ABCA13: variants seen among roughly 807,000 people sequenced by gnomAD.
ABCA13 encodes ATP binding cassette subfamily A member 13.
Under a neutral mutation model 478.7 loss-of-function variants are expected in ABCA13, and 476 were observed. That is an observed-to-expected ratio of 0.99 (90% CI 0.92 to 1.07). The LOEUF is 1.07. Among genes scored for constraint, ABCA13 ranks in the 50% least tolerant of loss-of-function variants. The pLI is 0.00. For synonymous variants in ABCA13, 2,252 were observed against 2,158.9 expected, an observed-to-expected ratio of 1.04 and a Z score of -1.20; for missense variants, 6,060 against 5,910.6, an observed-to-expected ratio of 1.03 and a Z score of -0.83.
intron 42 of ABCA13, among the ~76,000 whole-genome samples, chr7:48,434,320 A>T (rs1216403019): frequency 2.6e-5 from 4 of 151,982 alleles, no homozygotes; most frequent in African/African-American, 9.7e-5. Flanking sequence ...TCTTTGGAGA[A>T]TCCTCTAGTA....
In ABCA13 at chr7:48,455,266, G is replaced by C; in HGVS notation, c.12795G>C (p.Arg4265=). The change falls in exon 43 of 62, where the codon CGG becomes CGC. Residue 4265 remains arginine (R), a synonymous_variant. Transcript: ENST00000435803. ...PLRLTPGHYQ[R]AETYFFSSGG... ...GACTCACACCTGGACATTACCAGCG[G>C]GCCGAGACCTACTTTTTCAGGTAAG... The C allele has an allele frequency of 1.2e-6, 2 of 1,604,998 alleles. No individual in the cohort carries two copies. Among genetic ancestry groups the C allele is most frequent in the Non-Finnish European group, 1.7e-6 (2 of 1,175,796 alleles).
chr7:48,307,045 C>T (rs557824934), intron 23 of ABCA13, among the ~76,000 whole-genome samples: 19 of 152,372 alleles, frequency 1.2e-4, no homozygotes, highest in African/African-American at 4.3e-4. Context: ...GTCCCAAATC[C>T]GCTGGCCCAC....
At chr7:48,221,469 C>T (rs962568518) in intron 5 of ABCA13, among the ~76,000 whole-genome samples, 160 bp downstream of exon 5, 11 of 152,150 alleles carry the variant, frequency 7.2e-5, no homozygotes, top group South Asian at 2.1e-4. Context: ...TTTGTAGATA[C>T]GGGCTAAAAG....
intron 43 of ABCA13, among the ~76,000 whole-genome samples, chr7:48,459,767 T>C (rs1447911229): frequency 6.6e-6 from 1 of 152,200 alleles, no homozygotes; most frequent in African/African-American, 2.4e-5. Context: ...AAATGAAATG[T>C]ATCAAAAATG....
At chr7:48,616,273 G>A (rs1380094086) in intron 59 of ABCA13, among the ~76,000 whole-genome samples, 2 of 152,134 alleles carry the variant, frequency 1.3e-5, no homozygotes, top group Admixed American at 6.5e-5. Flanking sequence ...CATTTTTAGA[G>A]TTAGGCACTG....
Position 48,615,014 on chromosome 7 carries a change from A to G in ABCA13, c.14745-271A>G, listed in dbSNP as rs1280139012. Reference sequence around the variant, plus strand: ...ACAAACCTGCACATTGTGCACATGTACCCTAAAACTTAAAGTATAATAATA... The same window carrying G: ...ACAAACCTGCACATTGTGCACATGTGCCCTAAAACTTAAAGTATAATAATA... On this transcript the variant is annotated intron_variant, in intron 58 of 61. Coordinates refer to ENST00000435803, the MANE Select transcript of ABCA13 (RefSeq NM_152701.5). Among the ~76,000 whole-genome samples the G allele has an allele frequency of 2.0e-5, 3 of 150,642 alleles. 1 individual carries two copies. The highest frequency in any genetic ancestry group is 7.3e-5 in the African/African-American group (3 of 41,252).
chr7:48,188,737 C>T (rs1318023061), intron 1 of ABCA13, among the ~76,000 whole-genome samples: 2 of 151,940 alleles, frequency 1.3e-5, no homozygotes, highest in African/African-American at 4.8e-5. Flanking sequence ...TTTTTGTGTA[C>T]ATGTTCATCT....
chr7:48,533,439 T>C (rs1218304632), intron 55 of ABCA13, among the ~76,000 whole-genome samples: 1 of 152,148 alleles, frequency 6.6e-6, no homozygotes, highest in Non-Finnish European at 1.5e-5. Context: ...TTGGAGAATG[T>C]TCCATGTGCT....
At chr7:48,610,702 C>T (rs1325929552) in intron 58 of ABCA13, among the ~76,000 whole-genome samples, 1 of 152,238 alleles carries the variant, frequency 6.6e-6, no homozygotes, top group Admixed American at 6.5e-5. Context: ...TAAGCCTCAA[C>T]TCTTGCCCTC....
chr7:48,220,810 G>A (rs532207518), intron 4 of ABCA13, among the ~76,000 whole-genome samples: 4 of 152,188 alleles, frequency 2.6e-5, no homozygotes, highest in African/African-American at 4.8e-5. Context: ...TTTTTGAGAT[G>A]AAGTTCCCAC....
chr7:48,174,420 A>G (rs1275485331), intron 1 of ABCA13, among the ~76,000 whole-genome samples: 5 of 152,142 alleles, frequency 3.3e-5, no homozygotes, highest in African/African-American at 9.7e-5. Context: ...TTACTTTTAA[A>G]AAATCTTTCA....
chr7:48,245,447 G>A, intron 11 of ABCA13, 65 bp from the exon 12 acceptor site: 1 of 1,227,952 alleles, frequency 8.1e-7, no homozygotes, highest in South Asian at 1.5e-5. Flanking sequence ...ATTGATTCAT[G>A]GCCATGTATA....
chr7:48,448,655 A>G (rs1009425198), intron 42 of ABCA13, among the ~76,000 whole-genome samples: 2 of 152,156 alleles, frequency 1.3e-5, no homozygotes, highest in African/African-American at 4.8e-5. Context: ...GTGTTTTTTT[A>G]AGAAAAATTA....
chr7:48,642,323 C>T (rs576811741), intron 59 of ABCA13, among the ~76,000 whole-genome samples: 4 of 152,184 alleles, frequency 2.6e-5, no homozygotes, highest in East Asian at 1.9e-4. Context: ...TGTTAGGGAT[C>T]AGCCTCATTT....
chr7:48,516,933 A>T, intron 52 of ABCA13, 52 bp downstream of exon 52: 2 of 1,565,044 alleles, frequency 1.3e-6, no homozygotes, highest in Non-Finnish European at 1.7e-6. Context: ...TAGTGCAAAG[A>T]CGGTGTTAAC....
intron 15 of ABCA13, among the ~76,000 whole-genome samples, chr7:48,254,292 C>G (rs1422806713): frequency 1.3e-5 from 2 of 151,884 alleles, no homozygotes; most frequent in Non-Finnish European, 2.9e-5. Context: ...GAGGTAGAGT[C>G]TCACTCTATT....
rs1245225258 is a variant in ABCA13 at position 48,402,105 on chromosome 7, G to A, written c.11874-1578G>A. Among the ~76,000 whole-genome samples, 5 of 152,196 alleles carry A rather than the reference G, an allele frequency of 3.3e-5. No homozygotes were observed. In the East Asian group the frequency reaches 5.8e-4, roughly 18 times the overall value. On this transcript the variant is annotated intron_variant, in intron 38 of 61. Coordinates refer to ENST00000435803, the MANE Select transcript of ABCA13 (RefSeq NM_152701.5). ...TCAATGCCAGGTGTATGAAGAGGAG[G>A]TAGGCTTCCAGCTTGCTTAGGGTGC...
intron 44 of ABCA13, among the ~76,000 whole-genome samples, 178 bp from the exon 45 acceptor site, chr7:48,471,352 C>A (rs1463122973): frequency 6.6e-6 from 1 of 152,198 alleles, no homozygotes; most frequent in African/African-American, 2.4e-5. Flanking sequence ...TGTAATAAAA[C>A]ATTGTCATCA....
chr7:48,333,200 C>T (rs1044933670), intron 27 of ABCA13, among the ~76,000 whole-genome samples: 13 of 152,192 alleles, frequency 8.5e-5, no homozygotes, highest in African/African-American at 3.1e-4. Flanking sequence ...TTCAGTGGTT[C>T]TCTCCTCTGC....
Sources: gnomAD v4.1 joint callset for allele counts (sites outside exome capture counted in the v4.1 genomes callset) on GRCh38, gnomAD v4.1.1 for gene constraint, MANE v1.5 for transcripts, NCBI Gene and HGNC (gene_info 2026-07-23, HGNC 2026-07-21) for gene names.